The following CACNB4 variants were observed in gnomAD, a reference collection of about 807,000 sequenced individuals.
The protein encoded by CACNB4 is voltage-dependent L-type calcium channel subunit beta-4.
CACNB4 carries 32 observed loss-of-function variants against 71.2 expected under a neutral mutation model. That is an observed-to-expected ratio of 0.45 (90% CI 0.34 to 0.60). CACNB4 has a LOEUF of 0.60. Ranked by LOEUF, CACNB4 falls within the 20% of genes least tolerant of loss-of-function variation. The pLI, the probability that CACNB4 is intolerant of heterozygous loss-of-function variation, is 0.01. For synonymous variants in CACNB4, 231 were observed against 236.9 expected (o/e 0.97, Z 0.23); for missense variants, 464 against 647.9 (o/e 0.72, Z 3.08).
intron 2 of CACNB4, among the ~76,000 whole-genome samples, chr2:151,921,962 C>T (rs1352203957): frequency 1.3e-5 from 2 of 152,116 alleles, no homozygotes; most frequent in African/African-American, 4.8e-5. Context: ...GTGAGTCAAA[C>T]CTCTTTTCTT....
chr2:152,082,956 T>G (rs1687442395), intron 2 of CACNB4, among the ~76,000 whole-genome samples: 1 of 152,168 alleles, frequency 6.6e-6, no homozygotes, highest in Non-Finnish European at 1.5e-5. Flanking sequence ...TTACCACACT[T>G]AAAACAATAT....
chr2:151,877,070 CAT>C (rs2099846594), intron 4 of CACNB4, among the ~76,000 whole-genome samples: 2 of 78,570 alleles, frequency 2.5e-5, no homozygotes, highest in Non-Finnish European at 5.9e-5. Flanking sequence ...TATATATACA[CAT>C]AGATATCTAT....
At chr2:151,915,307 G>A (rs1320716309) in intron 2 of CACNB4, among the ~76,000 whole-genome samples, 1 of 152,222 alleles carries the variant, frequency 6.6e-6, no homozygotes, top group Non-Finnish European at 1.5e-5. Context: ...TTGGGACCAA[G>A]CTGTCCAGCC....
chr2:152,096,945 C>T (rs1579291669), intron 2 of CACNB4, among the ~76,000 whole-genome samples: 1 of 152,100 alleles, frequency 6.6e-6, no homozygotes, highest in South Asian at 2.1e-4. Flanking sequence ...AAATAGGCAC[C>T]TACAAAATAA....
chr2:151,973,613 T>G, intron 2 of CACNB4: 2 of 1,473,868 alleles, frequency 1.4e-6, no homozygotes, highest in Non-Finnish European at 1.9e-6. Flanking sequence ...GTGGAGGGGA[T>G]AGTGGGAGGA....
chr2:152,025,325 T>G (rs188057748), intron 2 of CACNB4, among the ~76,000 whole-genome samples: 11 of 152,248 alleles, frequency 7.2e-5, no homozygotes, highest in Non-Finnish European at 1.5e-4. Flanking sequence ...GTGTAATAGC[T>G]CAAGCTTCAG....
intron 2 of CACNB4, among the ~76,000 whole-genome samples, chr2:152,046,790 A>T (rs1262502598): frequency 1.3e-5 from 2 of 152,180 alleles, no homozygotes; most frequent in Non-Finnish European, 2.9e-5. Context: ...GAAATTCATC[A>T]CAGGGTTATC....
At chr2:151,912,251 G>C (rs920654691) in intron 2 of CACNB4, among the ~76,000 whole-genome samples, 2 of 152,136 alleles carry the variant, frequency 1.3e-5, no homozygotes, top group African/African-American at 4.8e-5. Context: ...TCTTTTAATT[G>C]TGATGTTAGG....
intron 2 of CACNB4, among the ~76,000 whole-genome samples, chr2:152,044,770 C>A (rs1194134258): frequency 6.6e-6 from 1 of 152,170 alleles, no homozygotes; most frequent in Non-Finnish European, 1.5e-5. Flanking sequence ...ATGAGCCTGG[C>A]CACCATGGCA....
chr2:152,042,975 A>G (rs988407431), intron 2 of CACNB4, among the ~76,000 whole-genome samples: 1 of 152,132 alleles, frequency 6.6e-6, no homozygotes, highest in Non-Finnish European at 1.5e-5. Flanking sequence ...TGCTAATTAC[A>G]ATGCATTAGC....
chr2:151,985,160 T>C (rs553373278), intron 2 of CACNB4, among the ~76,000 whole-genome samples: 3 of 152,332 alleles, frequency 2.0e-5, no homozygotes, highest in African/African-American at 7.2e-5. Context: ...AATTAAAATT[T>C]GTAGTCTTAG....
chr2:152,085,569 A>G (rs535916668), intron 2 of CACNB4, among the ~76,000 whole-genome samples: 3 of 152,112 alleles, frequency 2.0e-5, no homozygotes, highest in East Asian at 3.9e-4. Context: ...CATACCCACC[A>G]TGAGGGTCCC....
intron 2 of CACNB4, among the ~76,000 whole-genome samples, chr2:151,922,839 T>C (rs2099859305): frequency 6.6e-6 from 1 of 152,234 alleles, no homozygotes; most frequent in Non-Finnish European, 1.5e-5. Context: ...GTCAGTTTCA[T>C]AAAACATTGA....
chr2:152,085,502 A>G (rs1158118560), intron 2 of CACNB4, among the ~76,000 whole-genome samples: 11 of 152,096 alleles, frequency 7.2e-5, no homozygotes, highest in Admixed American at 5.9e-4. Context: ...GTGTGAAAAC[A>G]AGTATCTGGG....
intron 2 of CACNB4, among the ~76,000 whole-genome samples, chr2:152,012,095 T>G (rs1022847705): frequency 2.5e-4 from 7 of 28,492 alleles, no homozygotes; most frequent in African/African-American, 4.7e-4. Context: ...TCCTTCTATT[T>G]ATTAAAAAAA....
At chr2:152,073,048 A>C (rs1246385495) in intron 2 of CACNB4, among the ~76,000 whole-genome samples, 4 of 152,114 alleles carry the variant, frequency 2.6e-5, no homozygotes, top group Non-Finnish European at 5.9e-5. Context: ...TTTTGCTGAA[A>C]ATATCATGCT....
At chr2:151,999,214 A>G (rs1435731363) in intron 2 of CACNB4, among the ~76,000 whole-genome samples, 1 of 152,116 alleles carries the variant, frequency 6.6e-6, no homozygotes, top group Non-Finnish European at 1.5e-5. Context: ...GCTCCAGCCC[A>G]GAACGGTGCT....
chr2:151,988,137 G>C (rs144495579), intron 2 of CACNB4, among the ~76,000 whole-genome samples: 43 of 152,302 alleles, frequency 2.8e-4, no homozygotes, highest in Non-Finnish European at 5.0e-4. Context: ...GTTGTTACAA[G>C]TGATTAGCTG....
intron 2 of CACNB4, among the ~76,000 whole-genome samples, chr2:151,946,285 C>T (rs529894457): frequency 5.9e-5 from 9 of 151,466 alleles, no homozygotes; most frequent in South Asian, 2.1e-4. Context: ...GCCAAGATTG[C>T]GCCATTGCAC....
Sources: allele counts gnomAD v4.1 joint callset (sites outside exome capture counted in the v4.1 genomes callset), GRCh38; gene constraint gnomAD v4.1.1; transcripts MANE v1.5; gene names NCBI Gene and HGNC (gene_info 2026-07-23, HGNC 2026-07-21).